The following STK3 variants were observed in gnomAD, a reference collection of about 807,000 sequenced individuals.
The protein encoded by STK3 is serine/threonine-protein kinase 3.
In STK3, 41 loss-of-function variants were observed where a neutral mutation model predicts 58.0. That is an observed-to-expected ratio of 0.71 (90% CI 0.55 to 0.92). The LOEUF (loss-of-function observed/expected upper bound fraction) is 0.92. Among genes scored for constraint, STK3 ranks in the 40% least tolerant of loss-of-function variants. The pLI, the probability that STK3 is intolerant of heterozygous loss-of-function variation, is 0.00. For missense variants in STK3, 479 were observed against 602.7 expected, an observed-to-expected ratio of 0.79 and a Z score of 2.15; for synonymous variants, 170 against 191.0, an observed-to-expected ratio of 0.89 and a Z score of 0.91.
chr8:98,394,862 C>G (rs187788611), intron 3 of STK3, among the ~76,000 whole-genome samples: 4 of 152,370 alleles, frequency 2.6e-5, no homozygotes, highest in Admixed American at 2.0e-4. Flanking sequence ...GCTCACTCCC[C>G]TTGCCACAGA....
intron 1 of STK3, chr8:98,883,936 A>C (rs143767459): frequency 5.7e-6 from 3 of 525,624 alleles, no homozygotes; most frequent in Non-Finnish European, 1.0e-5. Context: ...CATGTTGGGA[A>C]CAGGGAGGGG....
chr8:98,429,139 G>C, intron 3 of STK3: 1 of 1,613,308 alleles, frequency 6.2e-7, no homozygotes, highest in Non-Finnish European at 8.5e-7. Flanking sequence ...ACCACGGCAG[G>C]AAAGCTGACT....
rs142385871 is a variant in STK3 at position 98,728,535 on chromosome 8, G to A, written c.351+20741C>T. On this transcript the variant is annotated intron_variant, in intron 4 of 10. Transcript: ENST00000419617. ...ATATACAAGCTGCTTATAATCCCTTGATCTGCAGAGAAAGAGAACTGATAC... is the reference window on the plus strand; with the variant it reads ...ATATACAAGCTGCTTATAATCCCTTAATCTGCAGAGAAAGAGAACTGATAC... Among the ~76,000 whole-genome samples, 34 of 152,188 alleles carry A rather than the reference G, an allele frequency of 2.2e-4. No individual in the cohort carries two copies. The East Asian group carries it at 5.6e-3, about 25-fold the overall frequency.
chr8:98,841,874 G>A (rs1836003319), intron 3 of STK3, among the ~76,000 whole-genome samples: 1 of 152,022 alleles, frequency 6.6e-6, no homozygotes, highest in South Asian at 2.1e-4. Context: ...TAATCCAGTG[G>A]CTCTAACTTT....
chr8:98,610,675 G>A (rs560779122), intron 6 of STK3, among the ~76,000 whole-genome samples: 2 of 152,266 alleles, frequency 1.3e-5, no homozygotes, highest in African/African-American at 2.4e-5. Context: ...CCATTTAAAT[G>A]GGGAATCCTG....
At chr8:98,832,127 C>T (rs2131784749) in intron 3 of STK3, among the ~76,000 whole-genome samples, 1 of 152,030 alleles carries the variant, frequency 6.6e-6, no homozygotes, top group South Asian at 2.1e-4. Flanking sequence ...CTGGCCATCC[C>T]ACAATCTGGG....
intron 4 of STK3, among the ~76,000 whole-genome samples, chr8:98,744,831 A>G (rs1829531927): frequency 6.6e-6 from 1 of 152,146 alleles, no homozygotes. Flanking sequence ...ACATAACTTT[A>G]GTAGGACAGG....
intron 3 of STK3, chr8:98,432,801 A>T (rs940950621): frequency 1.8e-5 from 3 of 166,888 alleles, no homozygotes; most frequent in African/African-American, 4.8e-5. Flanking sequence ...TGTCAGTTTT[A>T]ACACTCATTA....
At chr8:98,439,762 A>G (rs564239770) in intron 1 of STK3, among the ~76,000 whole-genome samples, 8 of 152,258 alleles carry the variant, frequency 5.3e-5, no homozygotes, top group Non-Finnish European at 4.4e-5. Flanking sequence ...CCCAAACCCA[A>G]ACCTGAGCCC....
chr8:98,656,033 C>A (rs1821472666), intron 6 of STK3, among the ~76,000 whole-genome samples: 1 of 140,564 alleles, frequency 7.1e-6, no homozygotes. Flanking sequence ...GACACATGCA[C>A]ACGTATGTTT....
chr8:98,839,445 A>G (rs1019001170), intron 3 of STK3, among the ~76,000 whole-genome samples: 1 of 152,204 alleles, frequency 6.6e-6, no homozygotes, highest in Non-Finnish European at 1.5e-5. Context: ...CTGAATATTC[A>G]AACTTTAATA....
In STK3 at chr8:98,927,996, G is replaced by A. The variant is rs540062049; in HGVS notation, c.-79+14382C>T. 2.0e-5 allele frequency among the ~76,000 whole-genome samples: 3 copies of A among 152,328 alleles called. No homozygotes were observed. In the South Asian group the frequency reaches 6.2e-4, roughly 32 times the overall value. The stretch of plus-strand genomic sequence containing the variant: ...TATTGCTTAAACTAGCTAGAGTTGG[G>A]TTTTTGTCACTTGCAAACAAGAGTC... On this transcript the variant is annotated intron_variant, in intron 1 of 1. Transcript: ENST00000519420.
chr8:98,560,755 A>G (rs886065922), intron 8 of STK3, among the ~76,000 whole-genome samples: 1 of 152,146 alleles, frequency 6.6e-6, no homozygotes, highest in African/African-American at 2.4e-5. Context: ...AAATTTGGCC[A>G]GGAGAAGAGG....
chr8:98,814,104 G>A (rs2131693119), intron 1 of STK3, among the ~76,000 whole-genome samples: 1 of 152,256 alleles, frequency 6.6e-6, no homozygotes, highest in East Asian at 1.9e-4. Context: ...AGGCAGGAGT[G>A]CAGTGGCATG....
At chr8:98,539,381 C>T (rs927724053) in intron 9 of STK3, among the ~76,000 whole-genome samples, 1 of 151,954 alleles carries the variant, frequency 6.6e-6, no homozygotes, top group Non-Finnish European at 1.5e-5. Context: ...AAACAAATTG[C>T]CTCATACTTC....
intron 3 of STK3, among the ~76,000 whole-genome samples, chr8:98,858,882 C>T (rs1587760713): frequency 7.7e-6 from 1 of 130,496 alleles, no homozygotes; most frequent in South Asian, 2.4e-4. Flanking sequence ...CAGAGCAAGA[C>T]AGCAAGACTC....
At chr8:98,691,729 C>A (rs1587310046) in intron 6 of STK3, among the ~76,000 whole-genome samples, 1 of 151,944 alleles carries the variant, frequency 6.6e-6, no homozygotes, top group Non-Finnish European at 1.5e-5. Context: ...GTCAAGAGAT[C>A]GAGACCATCC....
intron 3 of STK3, among the ~76,000 whole-genome samples, chr8:98,757,859 A>G (rs1830391118): frequency 6.6e-6 from 1 of 152,216 alleles, no homozygotes; most frequent in South Asian, 2.1e-4. Flanking sequence ...AAATTTATAT[A>G]AGGAAATAAT....
intron 6 of STK3, among the ~76,000 whole-genome samples, chr8:98,656,633 T>G (rs72666672): frequency 0.011 from 1,688 of 152,276 alleles, 15 homozygotes; most frequent in Non-Finnish European, 0.017. Context: ...CTTTAATTTA[T>G]GCAGAATTAT....
Sources: allele counts gnomAD v4.1 joint callset (sites outside exome capture counted in the v4.1 genomes callset), GRCh38; gene constraint gnomAD v4.1.1; transcripts MANE v1.5; gene names NCBI Gene and HGNC (gene_info 2026-07-23, HGNC 2026-07-21).